Variants in XIAP observed in about 807,000 individuals in gnomAD.
XIAP encodes E3 ubiquitin-protein ligase XIAP.
In XIAP, 3 loss-of-function variants were observed where a neutral mutation model predicts 33.1. The ratio of observed to expected loss-of-function variants is 0.09; its 90% CI spans 0.04 to 0.23. The LOEUF is 0.23. Among genes scored for constraint, XIAP ranks in the 10% least tolerant of loss-of-function variants. The pLI, the probability that XIAP is intolerant of heterozygous loss-of-function variation, is 1.00. For synonymous variants in XIAP, 98 were observed against 121.3 expected (o/e 0.81, Z 1.26); for missense variants, 264 against 363.0 (o/e 0.73, Z 2.22).
intron 5 of XIAP, among the ~76,000 whole-genome samples, chrX:123,893,162 A>G (rs1247299816): frequency 1.8e-5 from 2 of 109,852 alleles, no homozygotes; most frequent in Non-Finnish European, 3.8e-5. Flanking sequence ...TGGGGTGGAA[A>G]GATAAGCATG....
At chrX:123,878,642 G>A (rs1418752720) in intron 1 of XIAP, 1 of 113,201 alleles carries the variant, frequency 8.8e-6, no homozygotes, top group East Asian at 2.8e-4. Context: ...TGGAGCATAT[G>A]TTTCAAATTC....
chrX:123,867,679 T>A (rs1423362930), intron 1 of XIAP, among the ~76,000 whole-genome samples: 1 of 99,132 alleles, frequency 1.0e-5, no homozygotes, highest in Non-Finnish European at 2.0e-5. Flanking sequence ...GCCTTTTTTT[T>A]TTTTTTTTTT....
chrX:123,906,334 G>A (rs2053555257), intron 6 of XIAP, among the ~76,000 whole-genome samples: 1 of 111,745 alleles, frequency 8.9e-6, no homozygotes, highest in Admixed American at 9.6e-5. Context: ...ATTTTTATAT[G>A]GGTGTCCTGA....
chrX:123,911,377 T>C lies in XIAP; in HGVS notation c.*4196T>C. On this transcript the variant is annotated 3_prime_UTR_variant, in exon 7 of 7. Transcript: ENST00000371199. ...CTGTAATCCCAGCTACTTGGGAGGC[T>C]GAGGCAGGAGAATCGCTTGAACCCA... 3.5e-6 allele frequency: 1 copy of C among 284,533 alleles called. No homozygotes were observed. The highest frequency in any genetic ancestry group is 3.3e-5 in the South Asian group (1 of 29,995). The allele number at this position is 284,533 out of a possible 1,213,427, so 23.4% of individuals were successfully genotyped here.
At chrX:123,898,732 G>A (rs2053482805) in intron 5 of XIAP, among the ~76,000 whole-genome samples, 1 of 107,368 alleles carries the variant, frequency 9.3e-6, no homozygotes, top group Non-Finnish European at 1.9e-5. Context: ...CAGGCCTCAA[G>A]GAATCCCCCT....
At position 123,912,881 on chromosome X, in the gene XIAP, T is replaced by A. The variant is rs2053618230; in HGVS notation, c.*5700T>A. 3.1e-6 allele frequency: 1 copy of A among 324,784 alleles called. No individual in the cohort carries two copies. Among genetic ancestry groups the A allele is most frequent in the Non-Finnish European group, 5.9e-6 (1 of 168,782 alleles). The allele number at this position is 324,784 out of a possible 1,213,427, so 26.8% of individuals were successfully genotyped here. ...ATGTTGGCCAGGCTAGTCTTGAATT[T>A]CTGACCTCAAGTGATTCATCTCCCA... On this transcript the variant is annotated 3_prime_UTR_variant, in exon 7 of 7. Transcript: ENST00000371199.
At chrX:123,879,314 AG>A (rs1233243814) in intron 1 of XIAP, 1 of 14,250 alleles carries the variant, frequency 7.0e-5, no homozygotes, top group East Asian at 7.6e-3. Context: ...CCACAGAAAG[AG>A]TTTTTTTTTT....
chrX:123,881,214 C>T (rs1476679516), intron 1 of XIAP, among the ~76,000 whole-genome samples: 2 of 111,340 alleles, frequency 1.8e-5, no homozygotes. Flanking sequence ...TCCCAGCATA[C>T]TTTATTGCAC....
At chrX:123,866,907 G>A (rs1167330505) in intron 1 of XIAP, among the ~76,000 whole-genome samples, 1 of 108,047 alleles carries the variant, frequency 9.3e-6, no homozygotes, top group African/African-American at 3.4e-5. Context: ...CATGTGATCT[G>A]CCCGCCTCGG....
At chrX:123,875,118 G>T (rs958769288) in intron 1 of XIAP, among the ~76,000 whole-genome samples, 1 of 105,552 alleles carries the variant, frequency 9.5e-6, no homozygotes, top group Non-Finnish European at 1.9e-5. Flanking sequence ...TGCCTCCCAG[G>T]TTCAAGTGAT....
chrX:123,899,223 G>A (rs1340257539), intron 5 of XIAP, among the ~76,000 whole-genome samples: 2 of 50,827 alleles, frequency 3.9e-5, no homozygotes, highest in East Asian at 8.2e-4. Flanking sequence ...ATATGATTTT[G>A]TATATATATA....
chrX:123,903,180 A>ATTT (rs56868819), intron 6 of XIAP, among the ~76,000 whole-genome samples: 6 of 65,247 alleles, frequency 9.2e-5, no homozygotes, highest in East Asian at 4.5e-4. Flanking sequence ...TTATTTTATA[A>ATTT]TTTTTTTTTT....
chrX:123,891,721 TGAGGCGG>T (rs1336422484), intron 4 of XIAP, among the ~76,000 whole-genome samples: 1 of 107,145 alleles, frequency 9.3e-6, no homozygotes, highest in Non-Finnish European at 1.9e-5. Context: ...CTTGGGCGGC[TGAGGCGG>T]GAGGATCGCT....
At chrX:123,883,818 T>C (rs2053327582) in intron 1 of XIAP, among the ~76,000 whole-genome samples, 1 of 111,159 alleles carries the variant, frequency 9.0e-6, no homozygotes, top group African/African-American at 3.3e-5. Flanking sequence ...ACTAGTCAAG[T>C]GCAGAGTGAG....
intron 6 of XIAP, among the ~76,000 whole-genome samples, chrX:123,903,619 G>GTTTTTTTTTTT (rs1163905528): frequency 3.6e-5 from 2 of 55,299 alleles, no homozygotes; most frequent in African/African-American, 7.7e-5. Context: ...GTTTGTTTCA[G>GTTTTTTTTTTT]TTTTTTTTTT....
At position 123,886,031 on chromosome X, in the gene XIAP, C is replaced by T. The variant is rs1211342947; in HGVS notation, c.369C>T (p.Ser123=). The T allele has an allele frequency of 8.3e-7, 1 of 1,210,312 alleles. No individual in the cohort carries two copies. Among genetic ancestry groups the T allele is most frequent in the Non-Finnish European group, 1.1e-6 (1 of 895,403 alleles). The change falls in exon 2 of 7, where the codon AGC becomes AGT. Residue 123 remains serine (S), a synonymous_variant. Transcript: ENST00000371199. ...ACAAAGTTGAAAACTATCTGGGAAG[C>T]AGAGATCATTTTGCCTTAGACAGGC... The part of the protein sequence containing the change: ...GQYKVENYLG[S]RDHFALDRPS...
chrX:123,907,840 G>C lies in XIAP; in HGVS notation c.*659G>C, dbSNP rs2053566434. The C allele has an allele frequency of 5.3e-6, 2 of 379,153 alleles. No individual in the cohort carries two copies. The highest frequency in any genetic ancestry group is 1.0e-5 in the Non-Finnish European group (2 of 201,004). 31.2% of individuals were successfully genotyped at this position (379,153 alleles called of 1,213,427 possible). A position where few individuals can be genotyped will look rare whatever the true frequency, so the allele number is the denominator to read the frequency against. On this transcript the variant is annotated 3_prime_UTR_variant, in exon 7 of 7. Transcript: ENST00000371199. The stretch of plus-strand genomic sequence containing the variant: ...AAGATATGTTAAGTGTAAAATGCAA[G>C]TGGCAAAACACTATGTATAGTCTGA...
chrX:123,873,580 G>A (rs1201793635), intron 1 of XIAP, among the ~76,000 whole-genome samples: 4 of 108,876 alleles, frequency 3.7e-5, no homozygotes, highest in Non-Finnish European at 7.7e-5. Context: ...TTGAGATGAG[G>A]AGTTTGAGAC....
chrX:123,909,806 C>G lies in XIAP; in HGVS notation c.*2625C>G, dbSNP rs761868162. 3.4e-5 allele frequency: 11 copies of G among 327,931 alleles called. No individual in the cohort carries two copies. The highest frequency in any genetic ancestry group is 4.1e-5 in the Non-Finnish European group (7 of 169,710). 27.0% of individuals were successfully genotyped at this position (327,931 alleles called of 1,213,427 possible). A position where few individuals can be genotyped will look rare whatever the true frequency, so the allele number is the denominator to read the frequency against. On this transcript the variant is annotated 3_prime_UTR_variant, in exon 7 of 7. Coordinates refer to ENST00000371199, the MANE Select transcript of XIAP (RefSeq NM_001167.4). ...TTTAGAAATGCTGTTGCTTCAGGTT[C>G]TTAAAATCACTCAGCACTCCAACTT...
Sources: gnomAD v4.1 joint callset for allele counts (sites outside exome capture counted in the v4.1 genomes callset) on GRCh38, gnomAD v4.1.1 for gene constraint, MANE v1.5 for transcripts, NCBI Gene and HGNC (gene_info 2026-07-23, HGNC 2026-07-21) for gene names.